Variants in ATRNL1 observed in about 807,000 individuals in gnomAD.
ATRNL1 encodes the protein attractin like 1.
A neutral mutation model predicts 182.7 loss-of-function variants in ATRNL1; 95 were observed. The observed-to-expected ratio is 0.52, with a 90% CI of 0.44 to 0.62. The LOEUF (loss-of-function observed/expected upper bound fraction) is 0.62, where lower values mean the gene tolerates loss of function less well. Among genes scored for constraint, ATRNL1 ranks in the 20% least tolerant of loss-of-function variants. The pLI is 0.00. For missense variants in ATRNL1, 1,471 were observed against 1,679.5 expected (o/e 0.88, Z 2.17); for synonymous variants, 576 against 568.3 (o/e 1.01, Z -0.19).
chr10:115,827,670 A>G (rs1950466680), intron 27 of ATRNL1, among the ~76,000 whole-genome samples: 1 of 152,186 alleles, frequency 6.6e-6, no homozygotes, highest in Non-Finnish European at 1.5e-5. Context: ...ATAGATATGA[A>G]ATTTAGAGAA....
intron 24 of ATRNL1, among the ~76,000 whole-genome samples, chr10:115,505,941 G>A (rs1554981199): frequency 6.6e-6 from 1 of 151,348 alleles, no homozygotes; most frequent in East Asian, 1.9e-4. Context: ...CAAACCCAGG[G>A]TGTCCTGGTG....
chr10:115,147,156 A>C (rs1047403635), intron 5 of ATRNL1, among the ~76,000 whole-genome samples: 1 of 152,054 alleles, frequency 6.6e-6, no homozygotes, highest in Non-Finnish European at 1.5e-5. Context: ...AGTCTTTTTA[A>C]TAATAACCAT....
At chr10:115,636,476 GA>G (rs1434119582) in intron 26 of ATRNL1, among the ~76,000 whole-genome samples, 25 of 152,258 alleles carry the variant, frequency 1.6e-4, no homozygotes, top group African/African-American at 5.5e-4. Context: ...ACCATCATTG[GA>G]ACCACAGCCC....
At chr10:115,306,557 T>C (rs1441717780) in intron 17 of ATRNL1, among the ~76,000 whole-genome samples, 1 of 152,114 alleles carries the variant, frequency 6.6e-6, no homozygotes, top group Non-Finnish European at 1.5e-5. Flanking sequence ...AAAGGATTTT[T>C]AGATTTTTTA....
chr10:115,319,064 T>A (rs1854450991), intron 18 of ATRNL1, among the ~76,000 whole-genome samples: 1 of 152,198 alleles, frequency 6.6e-6, no homozygotes, highest in Non-Finnish European at 1.5e-5. Context: ...CTCCTTTAGC[T>A]GTGTCCCAGA....
intron 1 of ATRNL1, among the ~76,000 whole-genome samples, chr10:115,100,979 G>C (rs1432581989): frequency 6.6e-6 from 1 of 152,020 alleles, no homozygotes; most frequent in East Asian, 1.9e-4. Flanking sequence ...AATATTTTTG[G>C]ATGCTATTGT....
At chr10:115,581,723 G>A (rs1170378774) in intron 26 of ATRNL1, among the ~76,000 whole-genome samples, 1 of 149,824 alleles carries the variant, frequency 6.7e-6, no homozygotes, top group Non-Finnish European at 1.5e-5. Context: ...CGGAAGATAT[G>A]TAAAGAAACC....
At chr10:115,127,504 C>T in intron 3 of ATRNL1, 89 bp from the exon 4 acceptor site, 1 of 1,085,720 alleles carries the variant, frequency 9.2e-7, no homozygotes. Flanking sequence ...CATTACTGAT[C>T]CTGGTAAGAA....
At position 115,773,574 on chromosome 10, in the gene ATRNL1, G is replaced by A. The variant is rs116334822; in HGVS notation, c.3903+46219G>A. Among the ~76,000 whole-genome samples, 803 of 152,250 alleles carry A rather than the reference G, an allele frequency of 5.3e-3. 4 individuals carry two copies. The highest frequency in any genetic ancestry group is 0.018 in the African/African-American group (760 of 41,542). ...GGCTACGTAATCTATGGTACAAAAT[G>A]TAAGTATGAGCCACTTATTAAACAA... On this transcript the variant is annotated intron_variant, in intron 27 of 28. Transcript: ENST00000355044.
intron 26 of ATRNL1, among the ~76,000 whole-genome samples, chr10:115,555,984 C>T (rs1853293622): frequency 6.6e-6 from 1 of 151,908 alleles, no homozygotes; most frequent in South Asian, 2.1e-4. Flanking sequence ...TCAAAGCTTA[C>T]AACTAGTAAA....
chr10:115,452,458 A>G (rs1334979414), intron 21 of ATRNL1, among the ~76,000 whole-genome samples: 1 of 152,128 alleles, frequency 6.6e-6, no homozygotes, highest in Non-Finnish European at 1.5e-5. Flanking sequence ...ATATAAATCC[A>G]TACTGTAGTT....
rs992746407 is a variant in ATRNL1 at position 115,703,919 on chromosome 10, G to C, written c.3796-23329G>C. Among the ~76,000 whole-genome samples the C allele has an allele frequency of 2.0e-5, 3 of 151,896 alleles. No homozygotes were observed. The East Asian group carries it at 5.8e-4, about 29-fold the overall frequency. ...TATATGGAAATTTGATCTACGGCTT[G>C]ATTTTCAAGTCAGTGGGAAAATGAT... On this transcript the variant is annotated intron_variant, in intron 26 of 28. Transcript: ENST00000355044.
chr10:115,336,903 T>A (rs1446157837), intron 19 of ATRNL1, among the ~76,000 whole-genome samples: 1 of 150,822 alleles, frequency 6.6e-6, no homozygotes. Context: ...TGGAGTGCAG[T>A]GGTGTGATCT....
At chr10:115,457,736 A>C (rs1301328130) in intron 21 of ATRNL1, among the ~76,000 whole-genome samples, 2 of 151,432 alleles carry the variant, frequency 1.3e-5, no homozygotes, top group African/African-American at 4.9e-5. Context: ...GTTCAGTATG[A>C]TCTCCTCCCT....
intron 20 of ATRNL1, among the ~76,000 whole-genome samples, chr10:115,395,415 T>C (rs1308446349): frequency 1.3e-5 from 2 of 151,934 alleles, no homozygotes; most frequent in Non-Finnish European, 2.9e-5. Context: ...AAAGAACAAT[T>C]TTGTAGAGGC....
chr10:115,300,716 AT>A (rs1361324857), intron 16 of ATRNL1, among the ~76,000 whole-genome samples: 1 of 152,202 alleles, frequency 6.6e-6, no homozygotes, highest in Non-Finnish European at 1.5e-5. Context: ...TTATATTTTT[AT>A]CATGGTAAAA....
chr10:115,908,923 A>C (rs1555115178), intron 28 of ATRNL1, among the ~76,000 whole-genome samples: 1 of 152,188 alleles, frequency 6.6e-6, no homozygotes, highest in African/African-American at 2.4e-5. Flanking sequence ...TGCCCTGTGC[A>C]GTAGACCCTT....
At chr10:115,306,907 A>G (rs556792550) in intron 17 of ATRNL1, among the ~76,000 whole-genome samples, 4 of 152,216 alleles carry the variant, frequency 2.6e-5, no homozygotes, top group Non-Finnish European at 5.9e-5. Context: ...ATAATTCACT[A>G]TTTTAACACA....
chr10:115,543,052 T>G (rs1554992506), intron 25 of ATRNL1, among the ~76,000 whole-genome samples: 1 of 152,194 alleles, frequency 6.6e-6, no homozygotes. Flanking sequence ...ACATATGAAT[T>G]TGAGAACACA....
Sources: allele counts gnomAD v4.1 joint callset (sites outside exome capture counted in the v4.1 genomes callset), GRCh38; gene constraint gnomAD v4.1.1; transcripts MANE v1.5; gene names NCBI Gene and HGNC (gene_info 2026-07-23, HGNC 2026-07-21).